CFAP54: variants seen among roughly 807,000 people sequenced by gnomAD.
The protein encoded by CFAP54 is cilia and flagella associated protein 54, also known as cilia- and flagella-associated protein 54.
Under a neutral mutation model 370.4 loss-of-function variants are expected in CFAP54, and 290 were observed. The ratio of observed to expected loss-of-function variants is 0.78; its 90% CI spans 0.71 to 0.86. The LOEUF (loss-of-function observed/expected upper bound fraction) is 0.86, where lower values mean the gene tolerates loss of function less well. CFAP54 is among the 40% of genes least tolerant of loss of function. The probability of loss-of-function intolerance (pLI) is 0.00; values close to 1 mark genes in which losing one functional copy is unlikely to be tolerated. For synonymous variants in CFAP54, 1,206 were observed against 1,236.5 expected (o/e 0.98, Z 0.52); for missense variants, 3,399 against 3,528.7 (o/e 0.96, Z 0.93).
At chr12:96,704,443 T>A (rs1210575682) in intron 46 of CFAP54, among the ~76,000 whole-genome samples, 3 of 62,920 alleles carry the variant, frequency 4.8e-5, no homozygotes, top group Non-Finnish European at 8.6e-5. Context: ...AAAAAAAAAA[T>A]GTATGTGTGT....
intron 63 of CFAP54, among the ~76,000 whole-genome samples, chr12:96,810,252 C>A (rs773660827): frequency 2.6e-5 from 4 of 152,172 alleles, no homozygotes; most frequent in Non-Finnish European, 4.4e-5. Context: ...CCTTTCCTTT[C>A]TGCTGAGTCA....
At chr12:96,804,173 CT>C (rs746804124) in intron 63 of CFAP54, among the ~76,000 whole-genome samples, 4 of 152,030 alleles carry the variant, frequency 2.6e-5, no homozygotes, top group Non-Finnish European at 5.9e-5. Flanking sequence ...TTTTGAAATA[CT>C]TCTGTCACAC....
Position 96,792,455 on chromosome 12 carries a change from T to C in CFAP54, c.8806T>C (p.Tyr2936His). ...ASNKELCFQW[Y>H]IPPLDRPPKE... ...AAACAAAGAACTTTGCTTTCAATGG[T>C]ACATTCCTCCCCTGGATAGACCTCC... The change falls in exon 63 of 68, where the codon TAC (tyrosine) becomes CAC (histidine). Residue 2936 changes from tyrosine to histidine, a missense_variant. This residue lies in a region of CFAP54 where 2,796 missense variants were observed against 2,869.7 expected (regional missense o/e 0.97). Transcript: ENST00000524981. 6.5e-7 allele frequency: 1 copy of C among 1,535,932 alleles called. No individual in the cohort carries two copies. Among genetic ancestry groups the C allele is most frequent in the Non-Finnish European group, 8.7e-7 (1 of 1,146,774 alleles).
intron 60 of CFAP54, among the ~76,000 whole-genome samples, chr12:96,783,527 CTGTT>C (rs1350554583): frequency 6.6e-6 from 1 of 152,196 alleles, no homozygotes; most frequent in African/African-American, 2.4e-5. Context: ...CACCTGGAAC[CTGTT>C]TGTTAACTCA....
In CFAP54 at chr12:96,630,539, T is replaced by C. The variant is rs565614042; in HGVS notation, c.4216-12T>C. On this transcript the variant is annotated splice_polypyrimidine_tract_variant and intron_variant, in intron 31 of 67. Coordinates refer to ENST00000524981, the MANE Select transcript of CFAP54 (RefSeq NM_001306084.2). ...TAAATTTAACTTGTAACATTTTATC[T>C]CCTCTATTAAGAGTGCAGAAATGCA... is the stretch of plus-strand genomic sequence containing the variant. The C allele has an allele frequency of 9.9e-5, 129 of 1,302,104 alleles. 2 individuals carry two copies. In the South Asian group the frequency reaches 1.6e-3, roughly 16 times the overall value. The allele number at this position is 1,302,104 out of a possible 1,614,324, so 80.7% of individuals were successfully genotyped here.
chr12:96,856,325 T>G (rs1248353725), intron 66 of CFAP54, among the ~76,000 whole-genome samples: 1 of 152,376 alleles, frequency 6.6e-6, no homozygotes, highest in East Asian at 1.9e-4. Context: ...TTATGCAAAT[T>G]TATGCAGGAG....
At chr12:96,580,889 T>C in intron 21 of CFAP54, 31 bp from the exon 22 acceptor site, 3 of 1,366,330 alleles carry the variant, frequency 2.2e-6, no homozygotes, top group Non-Finnish European at 2.9e-6. Flanking sequence ...TAATTTTTCA[T>C]GTATAACTTG....
At chr12:96,770,675 G>A (rs1958451862) in intron 60 of CFAP54, among the ~76,000 whole-genome samples, 1 of 152,204 alleles carries the variant, frequency 6.6e-6, no homozygotes, top group Non-Finnish European at 1.5e-5. Context: ...AGATAATAAG[G>A]GGATGAGTGG....
intron 8 of CFAP54, 71 bp from the exon 9 acceptor site, chr12:96,527,175 G>A (rs1046100881): frequency 3.0e-6 from 4 of 1,326,882 alleles, no homozygotes; most frequent in Non-Finnish European, 2.0e-6. Context: ...GGGATTATAG[G>A]CATGAGCCAC....
chr12:96,712,793 G>A (rs1193985088), intron 48 of CFAP54, among the ~76,000 whole-genome samples: 1 of 151,876 alleles, frequency 6.6e-6, no homozygotes, highest in Non-Finnish European at 1.5e-5. Flanking sequence ...TTCTGTGCCT[G>A]GCTTATTTCA....
chr12:96,527,323 C>T lies in CFAP54; in HGVS notation c.1236C>T (p.Val412=). The T allele has an allele frequency of 2.0e-6, 3 of 1,535,622 alleles. No individual in the cohort carries two copies. The highest frequency in any genetic ancestry group is 2.6e-6 in the Non-Finnish European group (3 of 1,146,636). ...GCACTGCATCCCAGTTTCTGGCTGTCTTGGAAGCTCTTTCTGATTCAAATA... is the reference window on the plus strand; with the variant it reads ...GCACTGCATCCCAGTTTCTGGCTGTTTTGGAAGCTCTTTCTGATTCAAATA... ...FDSTASQFLA[V]LEALSDSNRR... The change falls in exon 9 of 68, where the codon GTC becomes GTT. Residue 412 remains valine, a synonymous_variant. Transcript: ENST00000524981.
chr12:96,546,272 T>G (rs1391465536), intron 14 of CFAP54, among the ~76,000 whole-genome samples: 1 of 152,202 alleles, frequency 6.6e-6, no homozygotes, highest in Non-Finnish European at 1.5e-5. Context: ...ATTGATTTCA[T>G]GTTTGGTATG....
rs193113381 is a variant in CFAP54, at chr12:96,719,245, A to G, written c.6804+723A>G. 2.3e-3 allele frequency among the ~76,000 whole-genome samples: 345 copies of G among 152,318 alleles called. 1 individual carries two copies. The highest frequency in any genetic ancestry group is 8.0e-3 in the African/African-American group (333 of 41,572). On this transcript the variant is annotated intron_variant, in intron 49 of 67. Transcript: ENST00000524981. ...GAGAAAACTGAGGCTTAGACATCTA[A>G]GAATTTGACTAATATCATACAACTA...
chr12:96,663,117 G>A (rs1304603723), intron 38 of CFAP54, among the ~76,000 whole-genome samples: 1 of 152,112 alleles, frequency 6.6e-6, no homozygotes, highest in Non-Finnish European at 1.5e-5. Context: ...GAAAAGACTA[G>A]ATCAAGTAGG....
chr12:96,702,549 T>G (rs1028008933), intron 46 of CFAP54, among the ~76,000 whole-genome samples: 2 of 64,436 alleles, frequency 3.1e-5, no homozygotes, highest in African/African-American at 1.7e-4. Context: ...GGTCACTGCC[T>G]TCACTGAAAT....
chr12:96,826,693 A>C (rs1959111872), intron 65 of CFAP54, among the ~76,000 whole-genome samples: 1 of 110,782 alleles, frequency 9.0e-6, no homozygotes, highest in Non-Finnish European at 1.6e-5. Context: ...TATATTACAT[A>C]TTATAATATA....
chr12:96,684,892 A>G (rs1462096657), intron 41 of CFAP54, 137 bp from the exon 42 acceptor site: 7 of 977,290 alleles, frequency 7.2e-6, no homozygotes, highest in East Asian at 2.6e-5. Flanking sequence ...GAGAGAAACC[A>G]TTAAGAACAG....
chr12:96,766,132 C>T (rs911314845), intron 60 of CFAP54, among the ~76,000 whole-genome samples: 7 of 152,130 alleles, frequency 4.6e-5, no homozygotes, highest in African/African-American at 1.7e-4. Flanking sequence ...CTGTAGACAG[C>T]GTCTTACTCT....
At chr12:96,693,863 C>A in intron 45 of CFAP54, 55 bp downstream of exon 45, 2 of 1,146,310 alleles carry the variant, frequency 1.7e-6, no homozygotes, top group South Asian at 2.8e-5. Flanking sequence ...AGGATATTGT[C>A]ATGTATTAAT....
Sources: allele counts gnomAD v4.1 joint callset (sites outside exome capture counted in the v4.1 genomes callset), GRCh38; gene constraint gnomAD v4.1.1; regional missense constraint gnomAD v4.1.1; transcripts MANE v1.5; gene names NCBI Gene and HGNC (gene_info 2026-07-23, HGNC 2026-07-21).